The following PPP4R1 variants were observed in gnomAD, a reference collection of about 807,000 sequenced individuals.
PPP4R1 encodes protein phosphatase 4 regulatory subunit 1.
Under a neutral mutation model 111.2 loss-of-function variants are expected in PPP4R1, and 42 were observed. The ratio of observed to expected loss-of-function variants is 0.38; its 90% confidence interval spans 0.29 to 0.49. PPP4R1 has a LOEUF of 0.49. PPP4R1 is among the 20% of genes least tolerant of loss of function. The pLI, the probability that PPP4R1 is intolerant of heterozygous loss-of-function variation, is 0.97. For missense variants in PPP4R1, 1,012 were observed against 1,161.6 expected (o/e 0.87, Z 1.87); for synonymous variants, 409 against 405.5 (o/e 1.01, Z -0.10).
rs772245156 is a variant in PPP4R1, at chr18:9,593,829, G to A, written c.234C>T (p.Cys78=). ...RSLLDTLREV[C]DDERDCIAVL... ...CAGCAATACAATCTCTTTCATCATC[G>A]CAGACTTCCCTCAAGGTATCGAGCA... The change falls in exon 4 of 20, where the codon TGC becomes TGT. Residue 78 remains cysteine, a synonymous_variant. Transcript: ENST00000400556. 129 of 1,613,420 alleles carry A rather than the reference G, an allele frequency of 8.0e-5. No individual in the cohort carries two copies. The highest frequency in any genetic ancestry group is 1.1e-4 in the Non-Finnish European group (127 of 1,179,820).
rs1415007378 is a variant in PPP4R1 at position 9,614,336 on chromosome 18, C to T, written c.8-66G>A. ...GGGGCCCGGCGCGACGCCCCCCCCC[C>T]GCCCGCCTCCCCCCCGCCCCGGGGG... On this transcript the variant is annotated intron_variant, in intron 1 of 19. Transcript: ENST00000400556. This position sits in a 1 kb window ranked among gnomAD's most constrained non-coding sequence, Gnocchi z 4.1. 2.7e-6 allele frequency: 3 copies of T among 1,091,640 alleles called. No individual in the cohort carries two copies. The highest frequency in any genetic ancestry group is 3.4e-6 in the Non-Finnish European group (3 of 890,220). The allele number at this position is 1,091,640 out of a possible 1,614,324, so 67.6% of individuals were successfully genotyped here. A position where few individuals can be genotyped will look rare whatever the true frequency, so the allele number is the denominator to read the frequency against.
intron 9 of PPP4R1, among the ~76,000 whole-genome samples, chr18:9,577,663 T>TAA (rs71168071): frequency 1.3e-5 from 2 of 148,412 alleles, no homozygotes; most frequent in South Asian, 2.1e-4. Context: ...CAAGACTGTC[T>TAA]AAAAAAAAAA....
chr18:9,588,841 C>CT lies in PPP4R1; in HGVS notation c.307dup (p.Arg103LysfsTer36). 6.2e-7 allele frequency: 1 copy of CT among 1,613,384 alleles called. No individual in the cohort carries two copies. Among genetic ancestry groups the CT allele is most frequent in the Non-Finnish European group, 8.5e-7 (1 of 1,179,786 alleles). On this transcript the variant is annotated frameshift_variant, in exon 5 of 20. Transcript: ENST00000400556. LOFTEE classifies it high-confidence loss of function. ...AGGCACCTGTTCCATCAGCTCCGCT[C>CT]TCACAGTTGGTTCTATTGAAATAAC...
chr18:9,575,491 C>T (rs1160780976), intron 10 of PPP4R1, among the ~76,000 whole-genome samples: 1 of 152,184 alleles, frequency 6.6e-6, no homozygotes, highest in Non-Finnish European at 1.5e-5. Flanking sequence ...GCCAGGAATG[C>T]TCTCTTTCCC....
rs999120480 is a variant in PPP4R1 at position 9,563,511 on chromosome 18, C to A, written c.1613G>T (p.Ser538Ile). 2 of 1,608,612 alleles carry A rather than the reference C, an allele frequency of 1.2e-6. No individual in the cohort carries two copies. The highest frequency in any genetic ancestry group is 2.2e-5 in the South Asian group (2 of 90,862). Reference protein sequence around the residue: ...EVLSAALRASSLDAHEETISI... With the variant: ...EVLSAALRASILDAHEETISI... The stretch of plus-strand genomic sequence containing the variant: ...GATGGTCTCTTCATGTGCATCCAGG[C>A]TGGAAGCACGTAGTGCAGCGGACAG... The change falls in exon 12 of 20, where the codon AGC becomes ATC. Residue 538 changes from serine to isoleucine, a missense_variant. Coordinates refer to ENST00000400556, the MANE Select transcript of PPP4R1 (RefSeq NM_001042388.3).
At chr18:9,563,185 G>A in intron 12 of PPP4R1, 193 bp downstream of exon 12, 1 of 1,207,616 alleles carries the variant, frequency 8.3e-7, no homozygotes, top group Non-Finnish European at 1.1e-6. Flanking sequence ...TACTTTTCCA[G>A]GCATTTCATA....
chr18:9,583,971 G>A (rs573820583), intron 8 of PPP4R1, among the ~76,000 whole-genome samples: 5 of 152,234 alleles, frequency 3.3e-5, no homozygotes, highest in South Asian at 4.1e-4. Flanking sequence ...AATTTGGTCC[G>A]TCGGATTTCT....
chr18:9,554,781 A>G (rs1259688195), intron 15 of PPP4R1, among the ~76,000 whole-genome samples: 2 of 152,232 alleles, frequency 1.3e-5, no homozygotes, highest in African/African-American at 2.4e-5. Context: ...GTTGAAACTG[A>G]AAGTATTGAT....
intron 10 of PPP4R1, among the ~76,000 whole-genome samples, chr18:9,572,461 A>G (rs1052078614): frequency 6.6e-6 from 1 of 152,238 alleles, no homozygotes; most frequent in East Asian, 1.9e-4. Context: ...GGCTTCAAAA[A>G]CACAGCAAAA....
At chr18:9,572,539 T>C (rs904092931) in intron 10 of PPP4R1, among the ~76,000 whole-genome samples, 4 of 152,134 alleles carry the variant, frequency 2.6e-5, no homozygotes, top group Non-Finnish European at 5.9e-5. Context: ...GCTGAATATG[T>C]AGGTAAATTT....
chr18:9,614,201 G>A lies in PPP4R1; in HGVS notation c.52+25C>T. ...CCGGCCGCTCCCCGCGGACTGCCAG[G>A]CCACCGCGAGGCCGGGCCACTCACA... On this transcript the variant is annotated intron_variant, in intron 2 of 19. Coordinates refer to ENST00000400556, the MANE Select transcript of PPP4R1 (RefSeq NM_001042388.3). This position sits in a 1 kb window ranked among gnomAD's most constrained non-coding sequence, Gnocchi z 4.1. The A allele has an allele frequency of 7.4e-7, 1 of 1,349,338 alleles. No individual in the cohort carries two copies. Among genetic ancestry groups the A allele is most frequent in the Non-Finnish European group, 9.6e-7 (1 of 1,037,416 alleles). 83.6% of individuals were successfully genotyped at this position (1,349,338 alleles called of 1,614,324 possible).
At chr18:9,601,756 G>A (rs2067387475) in intron 2 of PPP4R1, among the ~76,000 whole-genome samples, 1 of 152,054 alleles carries the variant, frequency 6.6e-6, no homozygotes, top group Non-Finnish European at 1.5e-5. Flanking sequence ...GCCTCCCAAA[G>A]TGCTGGGATT....
chr18:9,605,217 TA>T (rs927568210), intron 2 of PPP4R1, among the ~76,000 whole-genome samples: 3 of 152,140 alleles, frequency 2.0e-5, no homozygotes, highest in African/African-American at 7.2e-5. Context: ...AGTTACCTTA[TA>T]AAGATTTGGG....
In PPP4R1 at chr18:9,564,697, G is replaced by GGTGTGTGTGTGT. The variant is rs1178823297; in HGVS notation, c.1574-1159_1574-1148dup. ...ATGTTTTGTCCCATATAAAGTGCATGGTGTGTGTGTGTGTGTGTGTGTGTG... is the reference window on the plus strand; with the variant it reads ...ATGTTTTGTCCCATATAAAGTGCATGGTGTGTGTGTGTGTGTGTGTGTGTGTGTGTGTGTGTG... On this transcript the variant is annotated intron_variant, in intron 11 of 19. Transcript: ENST00000400556. 9.7e-3 allele frequency among the ~76,000 whole-genome samples: 908 copies of GGTGTGTGTGTGT among 93,528 alleles called. 10 individuals carry two copies. The highest frequency in any genetic ancestry group is 0.027 in the South Asian group (77 of 2,812). 61.4% of individuals were successfully genotyped at this position (93,528 alleles called of 152,430 possible).
chr18:9,567,293 AAAATT>A (rs1339725505), intron 11 of PPP4R1, among the ~76,000 whole-genome samples: 8 of 152,242 alleles, frequency 5.3e-5, no homozygotes, highest in African/African-American at 1.7e-4. Context: ...CAGGAGAACT[AAAATT>A]AGGAGTGGAG....
chr18:9,607,389 G>A (rs2145342680), intron 2 of PPP4R1, among the ~76,000 whole-genome samples: 1 of 151,416 alleles, frequency 6.6e-6, no homozygotes, highest in Non-Finnish European at 1.5e-5. Context: ...ACAGAAACAT[G>A]GATAAATGAA....
rs2066470192 is a variant in PPP4R1, at chr18:9,550,389, A to C, written c.2301T>G (p.Ile767Met). 1 of 1,591,702 alleles carries C rather than the reference A, an allele frequency of 6.3e-7. No individual in the cohort carries two copies. Among genetic ancestry groups the C allele is most frequent in the East Asian group, 2.2e-5 (1 of 44,822 alleles). Residue 767 changes from isoleucine (I) to methionine (M), a missense_variant, in exon 17 of 20, where the codon ATT becomes ATG. Ile to Met is a conservative substitution (Grantham distance 10, BLOSUM62 1). This residue lies in a region of PPP4R1 where 305 missense variants were observed against 419.5 expected (regional missense o/e 0.73). Coordinates refer to ENST00000400556, the MANE Select transcript of PPP4R1 (RefSeq NM_001042388.3). ...TGGGACTATATAACTCTAGAAGTAA[A>C]ATCAGCTGTCTACAAAAAGGAATTA... is the stretch of plus-strand genomic sequence containing the variant. The part of the protein sequence containing the change: ...RFRAELAEQL[I>M]LLLELYSPRD...
intron 10 of PPP4R1, among the ~76,000 whole-genome samples, chr18:9,575,937 A>G (rs747431219): frequency 1.3e-5 from 2 of 152,236 alleles, no homozygotes; most frequent in Non-Finnish European, 2.9e-5. Context: ...GCTGATTTCA[A>G]AAATGAAAAA....
chr18:9,561,004 G>A (rs1262299730), intron 13 of PPP4R1, among the ~76,000 whole-genome samples: 1 of 151,934 alleles, frequency 6.6e-6, no homozygotes, highest in Non-Finnish European at 1.5e-5. Flanking sequence ...GATCACTTGA[G>A]GTCAGGAGTT....
Sources: allele counts gnomAD v4.1 joint callset (sites outside exome capture counted in the v4.1 genomes callset), GRCh38; gene constraint gnomAD v4.1.1; regional missense constraint gnomAD v4.1.1; non-coding constraint Gnocchi (gnomAD v3.1); transcripts MANE v1.5; gene names NCBI Gene and HGNC (gene_info 2026-07-23, HGNC 2026-07-21).